Variants in KYAT3 observed in about 807,000 individuals in gnomAD.
The protein encoded by KYAT3 is kynurenine--oxoglutarate transaminase 3.
KYAT3 carries 50 observed loss-of-function variants against 59.0 expected under a neutral mutation model. The observed-to-expected ratio is 0.85, with a 90% CI of 0.68 to 1.07. The LOEUF (loss-of-function observed/expected upper bound fraction) is 1.07. Among genes scored for constraint, KYAT3 ranks in the 50% least tolerant of loss-of-function variants. KYAT3 has a pLI of 0.00. For missense variants in KYAT3, 497 were observed against 533.3 expected (o/e 0.93, Z 0.67); for synonymous variants, 148 against 177.0 (o/e 0.84, Z 1.30).
intron 2 of KYAT3, chr1:88,981,217 T>A (rs1196457589): frequency 2.0e-5 from 3 of 152,240 alleles, no homozygotes; most frequent in Admixed American, 2.0e-4. Flanking sequence ...CACTCATAAG[T>A]TTTATTCTAC....
chr1:88,974,471 T>C (rs868375699), intron 2 of KYAT3, among the ~76,000 whole-genome samples: 2 of 36,670 alleles, frequency 5.5e-5, no homozygotes, highest in South Asian at 5.3e-4. Flanking sequence ...GTCTCTCTCT[T>C]TTTTTTTTTT....
In KYAT3 at chr1:88,964,971, G is replaced by T; in HGVS notation, c.311C>A (p.Pro104Gln). 1.2e-6 allele frequency: 2 copies of T among 1,600,692 alleles called. No homozygotes were observed. Among genetic ancestry groups the T allele is most frequent in the South Asian group, 2.3e-5 (2 of 87,344 alleles). Reference protein sequence around the residue: ...LNQYTRGFGHPSLVKALSYLY... With the variant: ...LNQYTRGFGHQSLVKALSYLY... ...ATAGGACAGAGCTTTCACAAGTGAT[G>T]GATGGCCCTGTTGGATTAAAAATAA... is the stretch of plus-strand genomic sequence containing the variant. Residue 104 changes from proline (P) to glutamine (Q), a missense_variant, in exon 5 of 14, where the codon CCA becomes CAA. By Grantham distance (76) the Pro-to-Gln change is moderately conservative. This residue lies in a region of KYAT3 where 469 missense variants were observed against 479.1 expected (regional missense o/e 0.98). Coordinates refer to ENST00000260508, the MANE Select transcript of KYAT3 (RefSeq NM_001008661.3).
At chr1:88,977,833 TG>T (rs1676862625) in intron 2 of KYAT3, among the ~76,000 whole-genome samples, 1 of 152,218 alleles carries the variant, frequency 6.6e-6, no homozygotes, top group African/African-American at 2.4e-5. Context: ...GCATTTTTAC[TG>T]TACCTTTTCT....
At chr1:88,962,169 A>C in intron 5 of KYAT3, 24 bp from the exon 6 acceptor site, 74 of 1,473,340 alleles carry the variant, frequency 5.0e-5, no homozygotes, top group Non-Finnish European at 6.6e-5. Flanking sequence ...AAATAAGATC[A>C]CAACCTGTCA....
intron 13 of KYAT3, among the ~76,000 whole-genome samples, chr1:88,940,282 G>A (rs1021089766): frequency 6.6e-5 from 10 of 152,088 alleles, no homozygotes; most frequent in Non-Finnish European, 1.0e-4. Flanking sequence ...ATGTTGGCCA[G>A]GCTGGTTGTG....
chr1:88,956,283 G>A (rs558728849), intron 8 of KYAT3, among the ~76,000 whole-genome samples: 31 of 152,250 alleles, frequency 2.0e-4, no homozygotes, highest in African/African-American at 7.2e-4. Flanking sequence ...TGTGTAGGGT[G>A]ACTCAAATTT....
At position 88,970,846 on chromosome 1, in the gene KYAT3, T is replaced by G. The variant is rs575827692; in HGVS notation, c.100-1379A>C. 3.9e-5 allele frequency among the ~76,000 whole-genome samples: 6 copies of G among 152,316 alleles called. No homozygotes were observed. In the South Asian group the frequency reaches 1.0e-3, roughly 26 times the overall value. ...GTAATTTTAATTCAATCTGGGAAGA[T>G]AACGATAATGGTTATTAAATAGACC... On this transcript the variant is annotated intron_variant, in intron 2 of 13. Transcript: ENST00000260508.
At chr1:88,968,844 A>G in intron 3 of KYAT3, 30 bp from the exon 4 acceptor site, 1 of 1,503,528 alleles carries the variant, frequency 6.7e-7, no homozygotes, top group Non-Finnish European at 8.9e-7. Context: ...TAATATTAAT[A>G]AGTTCTACAA....
At chr1:88,939,468 C>T (rs538450355) in intron 13 of KYAT3, among the ~76,000 whole-genome samples, 20 of 152,238 alleles carry the variant, frequency 1.3e-4, no homozygotes, top group Middle Eastern at 3.4e-3. Flanking sequence ...CTCTTCTGGC[C>T]CCTCTGGAGG....
Position 88,961,149 on chromosome 1 carries a change from C to T in KYAT3, c.787+18G>A, listed in dbSNP as rs767214344. The T allele has an allele frequency of 1.9e-5, 31 of 1,612,118 alleles. 1 individual carries two copies. The South Asian group carries it at 3.0e-4, about 15-fold the overall frequency. ...CCCAAACACATTTAGATATGTGACT[C>T]TGTGTTATAGTTGGTACCTATTTTT... On this transcript the variant is annotated intron_variant, in intron 8 of 13. Coordinates refer to ENST00000260508, the MANE Select transcript of KYAT3 (RefSeq NM_001008661.3).
downstream of KYAT3, among the ~76,000 whole-genome samples, chr1:88,932,220 T>C (rs1035877293): frequency 6.6e-6 from 1 of 152,206 alleles, no homozygotes; most frequent in Non-Finnish European, 1.5e-5. Flanking sequence ...GTTGATGAAA[T>C]TCATTCATGT....
In KYAT3 at chr1:88,987,611, A is replaced by T. The variant is rs538542777; in HGVS notation, c.99+641T>A. Among the ~76,000 whole-genome samples the T allele has an allele frequency of 1.3e-5, 2 of 152,312 alleles. 1 individual carries two copies. The highest frequency in any genetic ancestry group is 4.1e-4 in the South Asian group (2 of 4,828). The stretch of plus-strand genomic sequence containing the variant: ...AATATAAAACACTCATATGCACACT[A>T]CCCAGATTCAGTAATTCTCAAGATT... On this transcript the variant is annotated intron_variant, in intron 2 of 13. Transcript: ENST00000260508.
At chr1:88,956,127 C>T (rs1395411891) in intron 8 of KYAT3, among the ~76,000 whole-genome samples, 2 of 152,162 alleles carry the variant, frequency 1.3e-5, no homozygotes, top group East Asian at 3.9e-4. Context: ...TCACAGCCTT[C>T]TTGCACTTAG....
At chr1:88,936,637 AT>A (rs1310851149) in intron 13 of KYAT3, among the ~76,000 whole-genome samples, 1 of 151,502 alleles carries the variant, frequency 6.6e-6, no homozygotes, top group Non-Finnish European at 1.5e-5. Context: ...TTCACATATT[AT>A]CTACTATATC....
At chr1:88,954,351 T>G (rs1570790446) in intron 9 of KYAT3, among the ~76,000 whole-genome samples, 1 of 152,208 alleles carries the variant, frequency 6.6e-6, no homozygotes, top group African/African-American at 2.4e-5. Context: ...ATTAGCTGGG[T>G]AATCTCAGGC....
chr1:88,942,434 G>A (rs1451214633), intron 13 of KYAT3, among the ~76,000 whole-genome samples: 1 of 151,590 alleles, frequency 6.6e-6, no homozygotes, highest in African/African-American at 2.4e-5. Context: ...TTTGCTACAG[G>A]TCATATTTTC....
At chr1:88,977,571 T>C (rs1340574471) in intron 2 of KYAT3, among the ~76,000 whole-genome samples, 1 of 152,234 alleles carries the variant, frequency 6.6e-6, no homozygotes, top group East Asian at 1.9e-4. Context: ...ACTCCTGACC[T>C]CAGGTGATCC....
intron 11 of KYAT3, 53 bp from the exon 12 acceptor site, chr1:88,943,476 G>A: frequency 4.5e-6 from 4 of 881,652 alleles, no homozygotes; most frequent in South Asian, 1.5e-5. Flanking sequence ...GATGCAACAT[G>A]TATTTCATTT....
In KYAT3 at chr1:88,968,768, C is replaced by T; in HGVS notation, c.205G>A (p.Gly69Ser). Residue 69 changes from glycine (G) to serine (S), a missense_variant, in exon 4 of 14, where the codon GGC becomes AGC. By Grantham distance (56) the Gly-to-Ser change is moderately conservative. Around this residue, in one of 2 missense-constraint regions of KYAT3, gnomAD observed 469 missense variants for 479.1 expected, o/e 0.98. Transcript: ENST00000260508. ...LAADPSVVNL[G>S]QGFPDISPPT... ...GGGGATATATCTGGAAAGCCTTGGC[C>T]AAGATTCACAACAGAAGGGTCTGCA... 1.9e-6 allele frequency: 3 copies of T among 1,595,256 alleles called. No homozygotes were observed. Among genetic ancestry groups the T allele is most frequent in the East Asian group, 2.3e-5 (1 of 44,320 alleles).
Sources: gnomAD v4.1 joint callset for allele counts (sites outside exome capture counted in the v4.1 genomes callset) on GRCh38, gnomAD v4.1.1 for gene constraint, gnomAD v4.1.1 regional missense constraint, MANE v1.5 for transcripts, NCBI Gene and HGNC (gene_info 2026-07-23, HGNC 2026-07-21) for gene names.